SUGT1: variants seen among roughly 807,000 people sequenced by gnomAD.
SUGT1 encodes the protein SGT1 assembly cochaperone of MIS12 kinetochore complex, also known as protein SGT1 homolog.
In SUGT1, 15 loss-of-function variants were observed where a neutral mutation model predicts 56.1. That is an observed-to-expected ratio of 0.27 (90% confidence interval 0.18 to 0.41). The LOEUF (loss-of-function observed/expected upper bound fraction) is 0.41. Among genes scored for constraint, SUGT1 ranks in the 10% least tolerant of loss-of-function variants. SUGT1 has a pLI of 1.00. For synonymous variants in SUGT1, 123 were observed against 128.6 expected (o/e 0.96, Z 0.30); for missense variants, 347 against 382.2 (o/e 0.91, Z 0.77).
intron 8 of SUGT1, among the ~76,000 whole-genome samples, chr13:52,664,450 G>T (rs1962597436): frequency 6.6e-6 from 1 of 152,130 alleles, no homozygotes; most frequent in Non-Finnish European, 1.5e-5. Flanking sequence ...TGTATGCGTT[G>T]AAAGTTAATA....
chr13:52,689,008 G>T lies in SUGT1; in HGVS notation c.*1173G>T, dbSNP rs1963692442. 6.6e-6 allele frequency: 1 copy of T among 152,162 alleles called. No individual in the cohort carries two copies. The highest frequency in any genetic ancestry group is 2.4e-5 in the African/African-American group (1 of 41,418). The allele number at this position is 152,162 out of a possible 1,614,324, so 9.4% of individuals were successfully genotyped here. On this transcript the variant is annotated 3_prime_UTR_variant, in exon 13 of 13. Coordinates refer to ENST00000310528, the MANE Select transcript of SUGT1 (RefSeq NM_006704.5). ...TGTAATACCCCAGATGTTGGTCTCAGCTCTGTTAGGTGTCACTAACATTTT... is the reference window on the plus strand; with the variant it reads ...TGTAATACCCCAGATGTTGGTCTCATCTCTGTTAGGTGTCACTAACATTTT...
rs922226182 is a variant in SUGT1, at chr13:52,690,800, G to A, written c.*2965G>A. On this transcript the variant is annotated 3_prime_UTR_variant, in exon 13 of 13. Transcript: ENST00000310528. ...TGGCCAATCTGTTTTCTGTCTATAG[G>A]GAGTGAAATGGAATGGAGAAAGAGG... 1 of 152,094 alleles carries A rather than the reference G, an allele frequency of 6.6e-6. No individual in the cohort carries two copies. The highest frequency in any genetic ancestry group is 6.6e-5 in the Admixed American group (1 of 15,260). The allele number at this position is 152,094 out of a possible 1,614,324, so 9.4% of individuals were successfully genotyped here.
rs377461401 is a variant in SUGT1 at position 52,697,398 on chromosome 13, C to A, written c.*9563C>A. ...CCTCCATTCATACAAAATTATGAGC[C>A]CAAATGTCTTGGGGAGAGTACAGGA... On this transcript the variant is annotated 3_prime_UTR_variant, in exon 13 of 13. Transcript: ENST00000310528. 5 of 152,106 alleles carry A rather than the reference C, an allele frequency of 3.3e-5. No individual in the cohort carries two copies. Among genetic ancestry groups the A allele is most frequent in the African/African-American group, 1.2e-4 (5 of 41,414 alleles). 9.4% of individuals were successfully genotyped at this position (152,106 alleles called of 1,614,324 possible).
At chr13:52,678,774 A>C (rs1453565577) in intron 11 of SUGT1, among the ~76,000 whole-genome samples, 8 of 39,554 alleles carry the variant, frequency 2.0e-4, no homozygotes, top group Non-Finnish European at 3.3e-4. Context: ...AACCTCCTGG[A>C]CTCAAGCAGT....
rs1211836211 is a variant in SUGT1 at position 52,691,827 on chromosome 13, G to C, written c.*3992G>C. The C allele has an allele frequency of 1.3e-5, 2 of 152,168 alleles. No homozygotes were observed. Among genetic ancestry groups the C allele is most frequent in the Admixed American group, 1.3e-4 (2 of 15,290 alleles). 9.4% of individuals were successfully genotyped at this position (152,168 alleles called of 1,614,324 possible). ...GGGTCATATGTAGTTTTAAATAAAA[G>C]GGTTCATCTCTTTTGATGTGGTTTC... On this transcript the variant is annotated 3_prime_UTR_variant, in exon 13 of 13. Coordinates refer to ENST00000310528, the MANE Select transcript of SUGT1 (RefSeq NM_006704.5).
rs535768818 is a variant in SUGT1, at chr13:52,659,980, C to T, written c.328+731C>T. On this transcript the variant is annotated intron_variant, in intron 5 of 12. Coordinates refer to ENST00000310528, the MANE Select transcript of SUGT1 (RefSeq NM_006704.5). ...AGTAGCTGGGACTACAGGCGACCAC[C>T]ACCACGCCCGGCCAATTTTTTTGTA... Among the ~76,000 whole-genome samples, 127 of 151,088 alleles carry T rather than the reference C, an allele frequency of 8.4e-4. 6 individuals are homozygous for T. In the South Asian group the frequency reaches 0.024, roughly 29 times the overall value.
intron 9 of SUGT1, 71 bp downstream of exon 9, chr13:52,665,804 G>A (rs1284465257): frequency 4.0e-6 from 4 of 1,004,932 alleles, no homozygotes; most frequent in Admixed American, 2.7e-5. Context: ...CAGAATAATC[G>A]ATAACGGTTT....
At position 52,691,792 on chromosome 13, in the gene SUGT1, G is replaced by A. The variant is rs1371904859; in HGVS notation, c.*3957G>A. 1 of 152,164 alleles carries A rather than the reference G, an allele frequency of 6.6e-6. No individual in the cohort carries two copies. The highest frequency in any genetic ancestry group is 1.5e-5 in the Non-Finnish European group (1 of 68,026). The allele number at this position is 152,164 out of a possible 1,614,324, so 9.4% of individuals were successfully genotyped here. A position where few individuals can be genotyped will look rare whatever the true frequency, so the allele number is the denominator to read the frequency against. ...CTAAAAGGACAAAATACTGGTTTCT[G>A]TGCAGGGAAGGGTCATATGTAGTTT... On this transcript the variant is annotated 3_prime_UTR_variant, in exon 13 of 13. Coordinates refer to ENST00000310528, the MANE Select transcript of SUGT1 (RefSeq NM_006704.5).
Position 52,690,162 on chromosome 13 carries a change from C to G in SUGT1, c.*2327C>G, listed in dbSNP as rs1010744367. 2 of 152,102 alleles carry G rather than the reference C, an allele frequency of 1.3e-5. No homozygotes were observed. The highest frequency in any genetic ancestry group is 2.1e-4 in the South Asian group (1 of 4,820). The allele number at this position is 152,102 out of a possible 1,614,324, so 9.4% of individuals were successfully genotyped here. On this transcript the variant is annotated 3_prime_UTR_variant, in exon 13 of 13. Transcript: ENST00000310528. ...CATACCTTGTCAAATACATTAGATT[C>G]ATTATAGGTCAAGGGAATTTTGAAA...
chr13:52,657,259 A>G (rs1962211741), intron 2 of SUGT1, among the ~76,000 whole-genome samples: 1 of 152,228 alleles, frequency 6.6e-6, no homozygotes, highest in Admixed American at 6.5e-5. Flanking sequence ...ATGAGCTGAT[A>G]ATAATGATCA....
At chr13:52,668,241 A>G (rs1369218126) in intron 10 of SUGT1, among the ~76,000 whole-genome samples, 4 of 152,104 alleles carry the variant, frequency 2.6e-5, no homozygotes, top group Non-Finnish European at 5.9e-5. Flanking sequence ...TGGCCTCCCA[A>G]ACTGCTGGGA....
intron 10 of SUGT1, among the ~76,000 whole-genome samples, chr13:52,667,360 G>GTTT (rs1566183959): frequency 6.6e-6 from 1 of 152,022 alleles, no homozygotes. Flanking sequence ...TGTTGTTGTT[G>GTTT]TTGAGACGGA....
intron 12 of SUGT1, among the ~76,000 whole-genome samples, chr13:52,681,275 A>G (rs911404374): frequency 2.7e-5 from 4 of 150,920 alleles, no homozygotes; most frequent in African/African-American, 9.8e-5. Context: ...AAAATTAGCT[A>G]GGCCTGGTGG....
chr13:52,692,162 A>G lies in SUGT1; in HGVS notation c.*4327A>G, dbSNP rs6561682. 47,309 of 152,036 alleles carry G rather than the reference A, an allele frequency of 0.31. 7,372 individuals are homozygous for G. Among genetic ancestry groups the G allele is most frequent in the South Asian group, 0.44 (2,091 of 4,806 alleles). The allele number at this position is 152,036 out of a possible 1,614,324, so 9.4% of individuals were successfully genotyped here. On this transcript the variant is annotated 3_prime_UTR_variant, in exon 13 of 13. Coordinates refer to ENST00000310528, the MANE Select transcript of SUGT1 (RefSeq NM_006704.5). ...TTATCTCATTTTTAATCGCCCTTCA[A>G]TAGCATCCCATTATTGCAAATCAGA...
Position 52,683,055 on chromosome 13 carries a change from C to T in SUGT1, c.900+2900C>T, listed in dbSNP as rs566441167. Among the ~76,000 whole-genome samples, 6 of 152,070 alleles carry T rather than the reference C, an allele frequency of 3.9e-5. No individual in the cohort carries two copies. The South Asian group carries it at 6.2e-4, about 16-fold the overall frequency. Reference sequence around the variant, plus strand: ...TGGAGGTTTTATTTATCTGCAGATACGGAGAGTTTTATTTCTCCCTTTTCT... The same window carrying T: ...TGGAGGTTTTATTTATCTGCAGATATGGAGAGTTTTATTTCTCCCTTTTCT... On this transcript the variant is annotated intron_variant, in intron 12 of 12. Transcript: ENST00000310528.
rs965027710 is a variant in SUGT1, at chr13:52,688,232, A to G, written c.*397A>G. ...GCTTAGATTTTTCACCTTCAGTGTT[A>G]CATTGTGTTTGCTTTTAAAAACTGC... On this transcript the variant is annotated 3_prime_UTR_variant, in exon 13 of 13. Coordinates refer to ENST00000310528, the MANE Select transcript of SUGT1 (RefSeq NM_006704.5). The G allele has an allele frequency of 6.5e-6, 1 of 153,000 alleles. No individual in the cohort carries two copies. The highest frequency in any genetic ancestry group is 2.4e-5 in the African/African-American group (1 of 41,458). 9.5% of individuals were successfully genotyped at this position (153,000 alleles called of 1,614,324 possible).
rs1963768924 is a variant in SUGT1, at chr13:52,691,295, G to A, written c.*3460G>A. 1.3e-5 allele frequency: 2 copies of A among 152,034 alleles called. No individual in the cohort carries two copies. Among genetic ancestry groups the A allele is most frequent in the South Asian group, 4.1e-4 (2 of 4,820 alleles). The allele number at this position is 152,034 out of a possible 1,614,324, so 9.4% of individuals were successfully genotyped here. A position where few individuals can be genotyped will look rare whatever the true frequency, so the allele number is the denominator to read the frequency against. On this transcript the variant is annotated 3_prime_UTR_variant, in exon 13 of 13. Transcript: ENST00000310528. The stretch of plus-strand genomic sequence containing the variant: ...CACCATGCCCAGTTATGAACTTCAA[G>A]TAAATATTTAAAATGGAGATACATC...
rs575041207 is a variant in SUGT1, at chr13:52,664,183, G to A, written c.422+126G>A. 139 of 972,224 alleles carry A rather than the reference G, an allele frequency of 1.4e-4. No individual in the cohort carries two copies. The East Asian group carries it at 3.6e-3, about 25-fold the overall frequency. 60.2% of individuals were successfully genotyped at this position (972,224 alleles called of 1,614,324 possible). A position where few individuals can be genotyped will look rare whatever the true frequency, so the allele number is the denominator to read the frequency against. On this transcript the variant is annotated intron_variant, in intron 8 of 12. Coordinates refer to ENST00000310528, the MANE Select transcript of SUGT1 (RefSeq NM_006704.5). ...AAGTTTTTGTTTGTTTTCTAAAATT[G>A]TGTAATAGCTTTATGTAAAGCCAAT... is the stretch of plus-strand genomic sequence containing the variant.
In SUGT1 at chr13:52,691,092, C is replaced by T. The variant is rs977880604; in HGVS notation, c.*3257C>T. The T allele has an allele frequency of 3.9e-5, 6 of 152,062 alleles. No homozygotes were observed. Among genetic ancestry groups the T allele is most frequent in the African/African-American group, 1.4e-4 (6 of 41,386 alleles). The allele number at this position is 152,062 out of a possible 1,614,324, so 9.4% of individuals were successfully genotyped here. A position where few individuals can be genotyped will look rare whatever the true frequency, so the allele number is the denominator to read the frequency against. ...TAATCTTTCAGGCTCAAATGATTCTCCCATCTCAGCCTCCCAAGTAGCTGG... is the reference window on the plus strand; with the variant it reads ...TAATCTTTCAGGCTCAAATGATTCTTCCATCTCAGCCTCCCAAGTAGCTGG... On this transcript the variant is annotated 3_prime_UTR_variant, in exon 13 of 13. Transcript: ENST00000310528.
Sources: allele counts gnomAD v4.1 joint callset (sites outside exome capture counted in the v4.1 genomes callset), GRCh38; gene constraint gnomAD v4.1.1; transcripts MANE v1.5; gene names NCBI Gene and HGNC (gene_info 2026-07-23, HGNC 2026-07-21).